The following NOS1AP variants were observed in gnomAD, a reference collection of about 807,000 sequenced individuals.
NOS1AP encodes the protein carboxyl-terminal PDZ ligand of neuronal nitric oxide synthase protein.
NOS1AP carries 21 observed loss-of-function variants against 56.2 expected under a neutral mutation model. The ratio of observed to expected loss-of-function variants is 0.37; its 90% CI spans 0.26 to 0.54. The LOEUF (loss-of-function observed/expected upper bound fraction) is 0.54. Among genes scored for constraint, NOS1AP ranks in the 20% least tolerant of loss-of-function variants. The pLI is 0.84. For missense variants in NOS1AP, 522 were observed against 657.8 expected (o/e 0.79, Z 2.26); for synonymous variants, 270 against 274.6 (o/e 0.98, Z 0.17).
chr1:162,300,203 C>T (rs1197023008), intron 3 of NOS1AP, among the ~76,000 whole-genome samples: 1 of 152,154 alleles, frequency 6.6e-6, no homozygotes, highest in African/African-American at 2.4e-5. Context: ...GCAAGCACTA[C>T]GATTGAATCC....
intron 5 of NOS1AP, among the ~76,000 whole-genome samples, chr1:162,337,086 G>C (rs761679760): frequency 2.0e-4 from 31 of 152,338 alleles, no homozygotes; most frequent in Admixed American, 1.7e-3. Context: ...CTCTCCCGTG[G>C]AGTGGATGTC....
chr1:162,188,034 C>A lies in NOS1AP; in HGVS notation c.177+33558C>A, dbSNP rs1018143260. On this transcript the variant is annotated intron_variant, in intron 2 of 9. Transcript: ENST00000361897. This position sits in a 1 kb window ranked among gnomAD's most constrained non-coding sequence, Gnocchi z 4.0. ...GGCTTGCCATCTTACTGTGAAGAAGCCCCTTCCTAGCAAGGAAAACTAGCA... is the reference window on the plus strand; with the variant it reads ...GGCTTGCCATCTTACTGTGAAGAAGACCCTTCCTAGCAAGGAAAACTAGCA... 6.6e-6 allele frequency among the ~76,000 whole-genome samples: 1 copy of A among 152,138 alleles called. No individual in the cohort carries two copies. The highest frequency in any genetic ancestry group is 2.4e-5 in the African/African-American group (1 of 41,430).
intron 6 of NOS1AP, among the ~76,000 whole-genome samples, chr1:162,349,708 A>G (rs952226658): frequency 5.9e-5 from 9 of 152,196 alleles, no homozygotes; most frequent in African/African-American, 1.7e-4. Context: ...AAGTTTTCCA[A>G]TGCAGACTCC....
At chr1:162,210,395 C>G (rs948613028) in intron 2 of NOS1AP, among the ~76,000 whole-genome samples, 2 of 152,218 alleles carry the variant, frequency 1.3e-5, no homozygotes, top group African/African-American at 2.4e-5. Context: ...ACTGTTTTCC[C>G]TGCCACCTTC....
chr1:162,192,883 A>T (rs1045028543), intron 2 of NOS1AP, among the ~76,000 whole-genome samples: 1 of 151,918 alleles, frequency 6.6e-6, no homozygotes, highest in Non-Finnish European at 1.5e-5. Flanking sequence ...CCCTTCCTTT[A>T]TAGAGACTAT....
At chr1:162,172,083 C>T (rs1048707479) in intron 2 of NOS1AP, among the ~76,000 whole-genome samples, 18 of 152,178 alleles carry the variant, frequency 1.2e-4, no homozygotes, top group African/African-American at 3.4e-4. Flanking sequence ...CCAGGCCTTA[C>T]TCAGCCTACC....
intron 6 of NOS1AP, among the ~76,000 whole-genome samples, chr1:162,353,280 G>A (rs1035336753): frequency 5.3e-5 from 8 of 152,232 alleles, no homozygotes; most frequent in East Asian, 1.9e-4. Flanking sequence ...ATGCTGACTC[G>A]TCCTGGTCAG....
intron 4 of NOS1AP, among the ~76,000 whole-genome samples, chr1:162,319,669 C>T (rs1053479129): frequency 2.6e-5 from 4 of 152,206 alleles, no homozygotes; most frequent in African/African-American, 7.2e-5. Context: ...GCCCTCCCCA[C>T]TGTCCTCAGT....
rs777690128 is a variant in NOS1AP, at chr1:162,343,959, A to T, written c.578A>T (p.Asn193Ile). 8 of 1,614,118 alleles carry T rather than the reference A, an allele frequency of 5.0e-6. No individual in the cohort carries two copies. Among genetic ancestry groups the T allele is most frequent in the Non-Finnish European group, 5.9e-6 (7 of 1,180,014 alleles). ...QEDGESERNS[N>I]SSGDPGRQLT... The stretch of plus-strand genomic sequence containing the variant: ...GATGGAGAGAGCGAGAGGAACAGCA[A>T]CAGCTCAGGAGACCCAGGTAGGCAC... The change falls in exon 6 of 10, where the codon AAC (asparagine) becomes ATC (isoleucine). Residue 193 changes from asparagine to isoleucine, a missense_variant. Physicochemically the swap from Asn to Ile is moderately radical, Grantham distance 149. Around this residue, in one of 4 missense-constraint regions of NOS1AP, gnomAD observed 178 missense variants for 165.0 expected, o/e 1.08. Transcript: ENST00000361897.
At chr1:162,291,905 C>T (rs571942005) in intron 3 of NOS1AP, among the ~76,000 whole-genome samples, 26 of 152,258 alleles carry the variant, frequency 1.7e-4, no homozygotes, top group African/African-American at 6.3e-4. Flanking sequence ...ACTGGAATCA[C>T]GCTATAGCAC....
At chr1:162,212,969 G>T (rs1432351066) in intron 2 of NOS1AP, among the ~76,000 whole-genome samples, 1 of 152,192 alleles carries the variant, frequency 6.6e-6, no homozygotes, top group Non-Finnish European at 1.5e-5. Flanking sequence ...GAGCCCAAGT[G>T]ACAAGCTGTG....
intron 1 of NOS1AP, among the ~76,000 whole-genome samples, chr1:162,152,659 C>T (rs1356318188): frequency 1.3e-5 from 2 of 152,252 alleles, no homozygotes; most frequent in African/African-American, 4.8e-5. Context: ...GGGGCTGTCC[C>T]CTTGGGGCCA....
At chr1:162,237,194 C>A (rs1653323790) in intron 2 of NOS1AP, among the ~76,000 whole-genome samples, 1 of 152,110 alleles carries the variant, frequency 6.6e-6, no homozygotes, top group Non-Finnish European at 1.5e-5. Context: ...CAGGTTAGAC[C>A]CAATGTTGAA....
chr1:162,101,713 G>A (rs1571011025), intron 1 of NOS1AP, among the ~76,000 whole-genome samples: 1 of 152,034 alleles, frequency 6.6e-6, no homozygotes, highest in Non-Finnish European at 1.5e-5. Context: ...TTGTGAATGG[G>A]AGTTCATTCA....
intron 1 of NOS1AP, among the ~76,000 whole-genome samples, chr1:162,128,351 T>C (rs1648582440): frequency 6.6e-6 from 1 of 152,156 alleles, no homozygotes; most frequent in African/African-American, 2.4e-5. Context: ...AAAAATACTT[T>C]CTATTGTGTT....
At chr1:162,104,153 C>T (rs1647407425) in intron 1 of NOS1AP, among the ~76,000 whole-genome samples, 2 of 152,280 alleles carry the variant, frequency 1.3e-5, no homozygotes, top group East Asian at 1.9e-4. Context: ...TCTTATTTCT[C>T]CTTTGCGTAT....
chr1:162,251,825 C>G (rs890460749), intron 2 of NOS1AP, among the ~76,000 whole-genome samples: 1 of 146,756 alleles, frequency 6.8e-6, no homozygotes, highest in Non-Finnish European at 1.5e-5. Flanking sequence ...GTAGCTGGGA[C>G]TACAGGCATG....
At chr1:162,301,910 T>G (rs1275640757) in intron 4 of NOS1AP, among the ~76,000 whole-genome samples, 2 of 152,230 alleles carry the variant, frequency 1.3e-5, no homozygotes, top group African/African-American at 2.4e-5. Flanking sequence ...GCTTGTGAAA[T>G]GGAATGTCCA....
intron 2 of NOS1AP, among the ~76,000 whole-genome samples, chr1:162,253,033 C>T (rs930934674): frequency 1.3e-5 from 2 of 152,112 alleles, no homozygotes; most frequent in Non-Finnish European, 2.9e-5. Flanking sequence ...TAACAAAACT[C>T]ATGTTTAAAT....
Sources: allele counts gnomAD v4.1 joint callset (sites outside exome capture counted in the v4.1 genomes callset), GRCh38; gene constraint gnomAD v4.1.1; regional missense constraint gnomAD v4.1.1; non-coding constraint Gnocchi (gnomAD v3.1); transcripts MANE v1.5; gene names NCBI Gene and HGNC (gene_info 2026-07-23, HGNC 2026-07-21).